The following NAV2 variants were observed in gnomAD, a reference collection of about 807,000 sequenced individuals.
NAV2 encodes neuron navigator 2.
A neutral mutation model predicts 223.2 loss-of-function variants in NAV2; 54 were observed. The ratio of observed to expected loss-of-function variants is 0.24; its 90% CI spans 0.19 to 0.30. The LOEUF is 0.30. NAV2 is among the 10% of genes least tolerant of loss of function. The pLI is 1.00. For missense variants in NAV2, 2,806 were observed against 3,147.5 expected (o/e 0.89, Z 2.60); for synonymous variants, 1,279 against 1,239.3 (o/e 1.03, Z -0.67).
Position 20,045,623 on chromosome 11 carries a change from C to G in NAV2, c.3855C>G (p.Leu1285=). The G allele has an allele frequency of 6.2e-7, 1 of 1,614,200 alleles. No homozygotes were observed. Among genetic ancestry groups the G allele is most frequent in the Non-Finnish European group, 8.5e-7 (1 of 1,180,040 alleles). ...QPVSSPAQTS[L]QPGAKYPDVA... The stretch of plus-strand genomic sequence containing the variant: ...TGTCCAGTCCGGCTCAGACCAGTCT[C>G]CAGCCTGGAGCCAAGTACCCAGATG... Residue 1285 remains leucine (L), a synonymous_variant, in exon 14 of 38, where the codon CTC becomes CTG. Coordinates refer to ENST00000349880, the MANE Select transcript of NAV2 (RefSeq NM_145117.5).
chr11:19,710,911 TC>T (rs2049844425), upstream of NAV2: 1 of 152,226 alleles, frequency 6.6e-6, no homozygotes, highest in African/African-American at 2.4e-5. Context: ...ACTGAGAAGA[TC>T]TAAAGAAAGT....
chr11:19,628,291 A>T (rs775210963), intron 1 of NAV2, among the ~76,000 whole-genome samples: 4 of 152,188 alleles, frequency 2.6e-5, no homozygotes, highest in Non-Finnish European at 4.4e-5. Context: ...GGTGAGGAGC[A>T]AGGCTCTGGG....
At chr11:19,600,461 C>G (rs1257145825) in intron 1 of NAV2, among the ~76,000 whole-genome samples, 1 of 152,180 alleles carries the variant, frequency 6.6e-6, no homozygotes, top group African/African-American at 2.4e-5. Flanking sequence ...CAATATTTAC[C>G]TATAACCTCT....
intron 32 of NAV2, 112 bp from the exon 33 acceptor site, chr11:20,103,143 T>C (rs1381874255): frequency 2.0e-6 from 2 of 1,020,952 alleles, no homozygotes; most frequent in South Asian, 1.6e-5. Context: ...CGCAGAATCA[T>C]GAAGGGCCTT....
intron 10 of NAV2, among the ~76,000 whole-genome samples, chr11:19,975,744 G>C (rs1395245670): frequency 6.6e-6 from 1 of 152,318 alleles, no homozygotes; most frequent in East Asian, 1.9e-4. Flanking sequence ...GACAAGTCTT[G>C]CAATGTAGAA....
chr11:19,464,975 T>G (rs917228020), intron 1 of NAV2, among the ~76,000 whole-genome samples: 1 of 152,378 alleles, frequency 6.6e-6, no homozygotes, highest in East Asian at 1.9e-4. Flanking sequence ...ATAATATTAC[T>G]ATTTTTACGG....
intron 11 of NAV2, among the ~76,000 whole-genome samples, chr11:20,005,656 C>T (rs562992326): frequency 3.3e-5 from 5 of 152,088 alleles, no homozygotes; most frequent in Non-Finnish European, 4.4e-5. Flanking sequence ...ATCAACATTT[C>T]TGTGCACTTC....
chr11:19,968,524 T>C (rs879697690), intron 10 of NAV2, among the ~76,000 whole-genome samples: 4 of 152,172 alleles, frequency 2.6e-5, no homozygotes, highest in Admixed American at 2.0e-4. Flanking sequence ...CCAGCCTTAA[T>C]AATAGGTCTT....
At chr11:19,584,771 C>T (rs1453731260) in intron 1 of NAV2, among the ~76,000 whole-genome samples, 1 of 152,152 alleles carries the variant, frequency 6.6e-6, no homozygotes, top group Non-Finnish European at 1.5e-5. Context: ...TGTTCTTTTA[C>T]ATTTGCTGAG....
Position 19,428,014 on chromosome 11 carries a change from C to T in NAV2, c.75+76987C>T, listed in dbSNP as rs180780226. ...TTTTAATGTAGCCAAATCAATCATTCCCTTTAGAACTTCCGGATTCTGGGT... is the reference window on the plus strand; with the variant it reads ...TTTTAATGTAGCCAAATCAATCATTTCCTTTAGAACTTCCGGATTCTGGGT... On this transcript the variant is annotated intron_variant, in intron 1 of 37. Transcript: ENST00000360655. Among the ~76,000 whole-genome samples, 197 of 152,012 alleles carry T rather than the reference C, an allele frequency of 1.3e-3. 1 individual carries two copies. Among genetic ancestry groups the T allele is most frequent in the African/African-American group, 4.4e-3 (183 of 41,440 alleles).
chr11:19,650,211 A>G (rs1018667679), intron 1 of NAV2, among the ~76,000 whole-genome samples: 1 of 152,194 alleles, frequency 6.6e-6, no homozygotes, highest in Non-Finnish European at 1.5e-5. Flanking sequence ...TATGACTGGC[A>G]CCCTTATAAG....
chr11:19,658,777 T>C (rs1420520293), intron 1 of NAV2, among the ~76,000 whole-genome samples: 1 of 152,170 alleles, frequency 6.6e-6, no homozygotes, highest in African/African-American at 2.4e-5. Flanking sequence ...ATTTACACCA[T>C]GGAAATCAGA....
rs369895690 is a variant in NAV2 at position 20,106,155 on chromosome 11, G to GTGTGTATA, written c.6841+429_6841+430insGTGTATAT. Among the ~76,000 whole-genome samples, 71 of 31,496 alleles carry GTGTGTATA rather than the reference G, an allele frequency of 2.3e-3. 4 individuals are homozygous for GTGTGTATA. The highest frequency in any genetic ancestry group is 4.4e-3 in the South Asian group (2 of 456). 20.7% of individuals were successfully genotyped at this position (31,496 alleles called of 152,430 possible). A position where few individuals can be genotyped will look rare whatever the true frequency, so the allele number is the denominator to read the frequency against. ...TGTCCTTGTTCATATGTGTGTGTGT[G>GTGTGTATA]TATATATATATATATATATATGTGT... On this transcript the variant is annotated intron_variant, in intron 35 of 37. Transcript: ENST00000349880.
intron 6 of NAV2, among the ~76,000 whole-genome samples, chr11:19,904,295 G>A (rs1209100807): frequency 6.6e-6 from 1 of 151,982 alleles, no homozygotes; most frequent in Non-Finnish European, 1.5e-5. Context: ...CAGTCACTGA[G>A]TATTCAAAAG....
chr11:20,091,306 G>A (rs573540617), intron 27 of NAV2, among the ~76,000 whole-genome samples: 6 of 152,196 alleles, frequency 3.9e-5, no homozygotes, highest in South Asian at 4.2e-4. Flanking sequence ...CTGCAGGGTC[G>A]TTTCCACTGT....
At chr11:20,032,027 C>T (rs533804930) in intron 11 of NAV2, among the ~76,000 whole-genome samples, 5 of 152,250 alleles carry the variant, frequency 3.3e-5, no homozygotes, top group South Asian at 2.1e-4. Flanking sequence ...ATCATTTGTA[C>T]CCTGAATGGG....
chr11:19,543,671 A>C (rs56020432), intron 1 of NAV2, among the ~76,000 whole-genome samples: 20,564 of 152,204 alleles, frequency 0.14, 2,163 homozygotes, highest in African/African-American at 0.3. Flanking sequence ...AAAAGGAGTG[A>C]AAATACCTAC....
chr11:19,547,119 G>C (rs2044525776), intron 1 of NAV2, among the ~76,000 whole-genome samples: 1 of 152,158 alleles, frequency 6.6e-6, no homozygotes, highest in African/African-American at 2.4e-5. Flanking sequence ...AGCCTCTCCT[G>C]CCCTGCACAT....
chr11:19,840,652 GT>G (rs1211271577), intron 2 of NAV2, among the ~76,000 whole-genome samples: 1 of 152,106 alleles, frequency 6.6e-6, no homozygotes, highest in African/African-American at 2.4e-5. Flanking sequence ...AATTTCCCAG[GT>G]ATGGAAGAGT....
Sources: gnomAD v4.1 joint callset for allele counts (sites outside exome capture counted in the v4.1 genomes callset) on GRCh38, gnomAD v4.1.1 for gene constraint, MANE v1.5 for transcripts, NCBI Gene and HGNC (gene_info 2026-07-23, HGNC 2026-07-21) for gene names.